The following KLF13 variants were observed in gnomAD, a reference collection of about 807,000 sequenced individuals.
KLF13 encodes the protein KLF transcription factor 13.
In KLF13, 8 loss-of-function variants were observed where a neutral mutation model predicts 16.7. The observed-to-expected ratio is 0.48, with a 90% confidence interval of 0.28 to 0.87. The LOEUF is 0.87. Among genes scored for constraint, KLF13 ranks in the 40% least tolerant of loss-of-function variants. KLF13 has a pLI of 0.10. For missense variants in KLF13, 447 were observed against 452.2 expected, an observed-to-expected ratio of 0.99 and a Z score of 0.10; for synonymous variants, 245 against 208.4, an observed-to-expected ratio of 1.18 and a Z score of -1.51.
downstream of KLF13, among the ~76,000 whole-genome samples, chr15:31,380,524 C>G (rs547260090): frequency 2.3e-4 from 35 of 152,318 alleles, no homozygotes; most frequent in African/African-American, 8.4e-4. Context: ...CTGACACTTT[C>G]TCCTAGCCTT....
rs1185892180 is a variant in KLF13, at chr15:31,376,109, C to G, written c.*3810C>G. ...TGACCTCAAGTGTTCTGTCTCCCCA[C>G]CCGGTGTGTCCAGAAGACCAGCCTC... On this transcript the variant is annotated 3_prime_UTR_variant, in exon 2 of 2. Transcript: ENST00000307145. 1 of 152,680 alleles carries G rather than the reference C, an allele frequency of 6.5e-6. No individual in the cohort carries two copies. Among genetic ancestry groups the G allele is most frequent in the Non-Finnish European group, 1.5e-5 (1 of 68,088 alleles). The allele number at this position is 152,680 out of a possible 1,614,324, so 9.5% of individuals were successfully genotyped here. A position where few individuals can be genotyped will look rare whatever the true frequency, so the allele number is the denominator to read the frequency against.
rs1478935358 is a variant in KLF13, at chr15:31,374,642, G to C, written c.*2343G>C. The stretch of plus-strand genomic sequence containing the variant: ...TCCTTTGGTGCACTCACCGTCCACC[G>C]TTCCCCAAGGCAGGGAGAGGGAGTG... On this transcript the variant is annotated 3_prime_UTR_variant, in exon 2 of 2. Coordinates refer to ENST00000307145, the MANE Select transcript of KLF13 (RefSeq NM_015995.4). 1 of 152,454 alleles carries C rather than the reference G, an allele frequency of 6.6e-6. No homozygotes were observed. 9.4% of individuals were successfully genotyped at this position (152,454 alleles called of 1,614,324 possible).
At position 31,400,235 on chromosome 15, in the gene KLF13, G is replaced by A. The variant is rs895252577; in HGVS notation, n.530-3193G>A. On this transcript the variant is annotated intron_variant and non_coding_transcript_variant, in intron 2 of 2. Coordinates refer to the KLF13 transcript ENST00000500533. The stretch of plus-strand genomic sequence containing the variant: ...TGCAGGGAATCCACGGAGCGAGAGC[G>A]GTGAAACTGATGACAGGAAAGCCCT... Among the ~76,000 whole-genome samples, 6 of 152,300 alleles carry A rather than the reference G, an allele frequency of 3.9e-5. 1 individual carries two copies. In the East Asian group the frequency reaches 9.6e-4, roughly 24 times the overall value.
At chr15:31,336,441 G>A (rs1305732446) in intron 1 of KLF13, among the ~76,000 whole-genome samples, 2 of 152,174 alleles carry the variant, frequency 1.3e-5, no homozygotes, top group African/African-American at 4.8e-5. Context: ...ATGGGTTAGC[G>A]AGACCTGAGA....
chr15:31,350,214 C>T (rs1277866394), intron 1 of KLF13, among the ~76,000 whole-genome samples: 1 of 152,234 alleles, frequency 6.6e-6, no homozygotes, highest in Non-Finnish European at 1.5e-5. Flanking sequence ...GGATATTGGG[C>T]ATCCTGGACC....
intron 1 of KLF13, among the ~76,000 whole-genome samples, chr15:31,349,155 C>T (rs1370887069): frequency 6.6e-6 from 1 of 152,166 alleles, no homozygotes; most frequent in Non-Finnish European, 1.5e-5. Context: ...GGTACTGTAT[C>T]CTCTGCAGGC....
chr15:31,360,844 TCTG>T (rs2039372257), intron 1 of KLF13, among the ~76,000 whole-genome samples: 1 of 152,242 alleles, frequency 6.6e-6, no homozygotes, highest in Non-Finnish European at 1.5e-5. Context: ...TTCGTTATAT[TCTG>T]CTGGAAACCT....
At chr15:31,411,781 T>C (rs1438478269) in intron 1 of KLF13, among the ~76,000 whole-genome samples, 2 of 152,148 alleles carry the variant, frequency 1.3e-5, no homozygotes, top group Non-Finnish European at 2.9e-5. Context: ...TCACAATCTA[T>C]TTATGATGAA....
At position 31,428,148 on chromosome 15, in the gene KLF13, G is replaced by C. The variant is rs541294844; in HGVS notation, n.118-7222G>C. ...AGTCTTGCATGATTCTACTTATATA[G>C]GGGTATCTAAAGTAGTTAAACTCTT... is the stretch of plus-strand genomic sequence containing the variant. On this transcript the variant is annotated intron_variant and non_coding_transcript_variant, in intron 1 of 1. Coordinates refer to the KLF13 transcript ENST00000558225. Among the ~76,000 whole-genome samples the C allele has an allele frequency of 1.5e-3, 224 of 152,270 alleles. 1 individual carries two copies. The highest frequency in any genetic ancestry group is 5.0e-3 in the African/African-American group (209 of 41,534).
At chr15:31,402,768 A>T (rs998812329) in intron 2 of KLF13, among the ~76,000 whole-genome samples, 16 of 152,112 alleles carry the variant, frequency 1.1e-4, no homozygotes, top group African/African-American at 3.6e-4. Flanking sequence ...TTTCTGTCAG[A>T]GAAGGTCCTC....
At chr15:31,364,931 G>A (rs2039442823) in intron 1 of KLF13, among the ~76,000 whole-genome samples, 1 of 152,212 alleles carries the variant, frequency 6.6e-6, no homozygotes, top group African/African-American at 2.4e-5. Context: ...CAGAGGCCAG[G>A]CCTTTCTGCT....
rs187955452 is a variant in KLF13 at position 31,350,292 on chromosome 15, C to G, written c.578-21718C>G. Among the ~76,000 whole-genome samples, 553 of 152,338 alleles carry G rather than the reference C, an allele frequency of 3.6e-3. 10 individuals carry two copies. Among genetic ancestry groups the G allele is most frequent in the Admixed American group, 0.031 (467 of 15,300 alleles). On this transcript the variant is annotated intron_variant, in intron 1 of 1. Transcript: ENST00000307145. The stretch of plus-strand genomic sequence containing the variant: ...GGAGGGGATGAGCCGAGCAGGCCCC[C>G]CAGCGTGCAGGGCACCTGGATGCCG...
In KLF13 at chr15:31,376,376, A is replaced by G. The variant is rs956278080; in HGVS notation, c.*4077A>G. On this transcript the variant is annotated 3_prime_UTR_variant, in exon 2 of 2. Coordinates refer to ENST00000307145, the MANE Select transcript of KLF13 (RefSeq NM_015995.4). The stretch of plus-strand genomic sequence containing the variant: ...TAAAAAAGGTCATTTAGTCAAAGAC[A>G]CAGTGCTAGAGGTTTAAAGGGTGTA... The G allele has an allele frequency of 2.6e-5, 4 of 152,374 alleles. No individual in the cohort carries two copies. The highest frequency in any genetic ancestry group is 4.4e-5 in the Non-Finnish European group (3 of 68,054). 9.4% of individuals were successfully genotyped at this position (152,374 alleles called of 1,614,324 possible).
At chr15:31,392,287 T>G (rs188724669), upstream of KLF13, among the ~76,000 whole-genome samples, 1 of 152,332 alleles carries the variant, frequency 6.6e-6, no homozygotes, top group East Asian at 1.9e-4. Flanking sequence ...TCTAAGTTTC[T>G]TCTCCTCACG....
chr15:31,414,178 A>G (rs971578923), intron 1 of KLF13, among the ~76,000 whole-genome samples: 30 of 152,190 alleles, frequency 2.0e-4, no homozygotes, highest in African/African-American at 7.0e-4. Context: ...TCAGTTAAAT[A>G]TATATGGTAG....
chr15:31,398,033 G>A (rs543511755), intron 2 of KLF13, among the ~76,000 whole-genome samples: 71 of 152,222 alleles, frequency 4.7e-4, no homozygotes, highest in African/African-American at 1.7e-3. Context: ...CGCAGTCCGG[G>A]GCCAGTAATT....
At chr15:31,333,252 C>T (rs923503251) in intron 1 of KLF13, among the ~76,000 whole-genome samples, 1 of 152,142 alleles carries the variant, frequency 6.6e-6, no homozygotes, top group African/African-American at 2.4e-5. Context: ...AGGAATCATG[C>T]CCAAGGTCAC....
At chr15:31,336,286 A>T (rs926495134) in intron 1 of KLF13, among the ~76,000 whole-genome samples, 5 of 152,194 alleles carry the variant, frequency 3.3e-5, no homozygotes, top group African/African-American at 9.7e-5. Flanking sequence ...GCCTGTGAAC[A>T]AAGCAGTGAC....
downstream of KLF13, among the ~76,000 whole-genome samples, chr15:31,379,702 G>A: frequency 6.6e-6 from 1 of 152,234 alleles, no homozygotes; most frequent in East Asian, 1.9e-4. Flanking sequence ...TTTTGGACCA[G>A]GTCACAAAGC....
Sources: gnomAD v4.1 joint callset for allele counts (sites outside exome capture counted in the v4.1 genomes callset) on GRCh38, gnomAD v4.1.1 for gene constraint, MANE v1.5 for transcripts, NCBI Gene and HGNC (gene_info 2026-07-23, HGNC 2026-07-21) for gene names.